The following TRAK1 variants were observed in gnomAD, a reference collection of about 807,000 sequenced individuals.
The protein encoded by TRAK1 is trafficking kinesin-binding protein 1.
A neutral mutation model predicts 92.1 loss-of-function variants in TRAK1; 33 were observed. The observed-to-expected ratio is 0.36, with a 90% CI of 0.27 to 0.48. The LOEUF (loss-of-function observed/expected upper bound fraction) is 0.48. TRAK1 is among the 20% of genes least tolerant of loss of function. The pLI, the probability that TRAK1 is intolerant of heterozygous loss-of-function variation, is 0.99. For synonymous variants in TRAK1, 521 were observed against 517.3 expected, an observed-to-expected ratio of 1.01 and a Z score of -0.10; for missense variants, 1,123 against 1,257.9, an observed-to-expected ratio of 0.89 and a Z score of 1.62.
At chr3:42,102,638 G>A (rs930613161) in intron 1 of TRAK1, among the ~76,000 whole-genome samples, 4 of 152,158 alleles carry the variant, frequency 2.6e-5, no homozygotes, top group African/African-American at 9.7e-5. Context: ...CTGCTGATGG[G>A]GCTGTGTTCC....
At chr3:42,142,433 T>G (rs1007222635) in intron 2 of TRAK1, among the ~76,000 whole-genome samples, 1 of 152,176 alleles carries the variant, frequency 6.6e-6, no homozygotes, top group Non-Finnish European at 1.5e-5. Flanking sequence ...GGCCCCAGTG[T>G]GGGCAGTCAG....
rs538547713 is a variant in TRAK1 at position 42,135,478 on chromosome 3, A to C, written c.286+9864A>C. Among the ~76,000 whole-genome samples, 5 of 152,318 alleles carry C rather than the reference A, an allele frequency of 3.3e-5. No homozygotes were observed. In the South Asian group the frequency reaches 1.0e-3, roughly 32 times the overall value. ...CACAGTGGCTCACACCTGTAATCCC[A>C]ACACTTTGGGTGGCCGAGGTGGGAG... On this transcript the variant is annotated intron_variant, in intron 2 of 15. Transcript: ENST00000327628.
intron 1 of TRAK1, among the ~76,000 whole-genome samples, chr3:42,028,905 C>G (rs947323122): frequency 6.6e-6 from 1 of 152,082 alleles, no homozygotes; most frequent in Non-Finnish European, 1.5e-5. Flanking sequence ...TCTCACATGG[C>G]TATAAATAAA....
chr3:42,148,705 C>A (rs189825505), intron 2 of TRAK1, among the ~76,000 whole-genome samples: 3 of 152,210 alleles, frequency 2.0e-5, no homozygotes, highest in African/African-American at 7.2e-5. Context: ...GGCTGTTTTT[C>A]TAGAAGTTTG....
chr3:42,193,721 T>G, intron 8 of TRAK1, 103 bp from the exon 9 acceptor site: 1 of 1,183,618 alleles, frequency 8.4e-7, no homozygotes, highest in Non-Finnish European at 1.3e-6. Context: ...GAGCATGTCC[T>G]TGTAGAAAGT....
At chr3:42,218,118 C>G in intron 14 of TRAK1, 1 of 985,402 alleles carries the variant, frequency 1.0e-6, no homozygotes, top group Non-Finnish European at 1.2e-6. Context: ...CCTTGTTCCT[C>G]TAGTCACCAT....
chr3:42,023,628 C>T lies in TRAK1; in HGVS notation c.-519+9511C>T, dbSNP rs141382961. On this transcript the variant is annotated intron_variant, in intron 1 of 16. Coordinates refer to the TRAK1 transcript ENST00000487159. Reference sequence around the variant, plus strand: ...GATAGTGGTAGGGTAAGGGAGGGGGCGGAGTGAAGGATAAGGCTGAGGTTT... The same window carrying T: ...GATAGTGGTAGGGTAAGGGAGGGGGTGGAGTGAAGGATAAGGCTGAGGTTT... Among the ~76,000 whole-genome samples the T allele has an allele frequency of 4.4e-3, 648 of 148,868 alleles. 2 individuals carry two copies. The highest frequency in any genetic ancestry group is 0.016 in the African/African-American group (629 of 40,282).
At chr3:42,200,503 TC>T (rs1455500645) in intron 11 of TRAK1, among the ~76,000 whole-genome samples, 1 of 152,224 alleles carries the variant, frequency 6.6e-6, no homozygotes, top group Non-Finnish European at 1.5e-5. Context: ...GAGACAAAAG[TC>T]ATACTTAAGT....
chr3:42,047,504 T>G (rs1702802622), intron 1 of TRAK1, among the ~76,000 whole-genome samples: 1 of 152,038 alleles, frequency 6.6e-6, no homozygotes, highest in Non-Finnish European at 1.5e-5. Flanking sequence ...CATCTGGCCA[T>G]AAAAGCTGAT....
intron 2 of TRAK1, among the ~76,000 whole-genome samples, chr3:42,133,439 C>G (rs764894108): frequency 6.6e-6 from 1 of 152,114 alleles, no homozygotes; most frequent in South Asian, 2.1e-4. Flanking sequence ...AGGCTGGCCT[C>G]GAACTCCTGG....
At chr3:42,181,704 A>G (rs1333070648) in intron 3 of TRAK1, among the ~76,000 whole-genome samples, 1 of 152,216 alleles carries the variant, frequency 6.6e-6, no homozygotes, top group Non-Finnish European at 1.5e-5. Flanking sequence ...AACTAGTTCT[A>G]GTAGAGACAT....
intron 1 of TRAK1, among the ~76,000 whole-genome samples, chr3:42,058,468 G>C (rs944178078): frequency 8.6e-5 from 13 of 151,900 alleles, no homozygotes; most frequent in Admixed American, 7.9e-4. Flanking sequence ...CTCCCCAGTA[G>C]CTGGGATTAC....
chr3:42,112,159 T>G (rs1381692320), intron 1 of TRAK1, among the ~76,000 whole-genome samples: 3 of 113,774 alleles, frequency 2.6e-5, no homozygotes, highest in Non-Finnish European at 3.7e-5. Context: ...TTTTTTTTTT[T>G]GAGACGTAGT....
chr3:42,017,095 A>C (rs767293706), intron 1 of TRAK1, among the ~76,000 whole-genome samples: 36 of 152,150 alleles, frequency 2.4e-4, no homozygotes, highest in African/African-American at 3.1e-4. Flanking sequence ...CCCCGTCTCT[A>C]CTAAAACACA....
chr3:42,078,375 A>T (rs1201525215), intron 1 of TRAK1, among the ~76,000 whole-genome samples: 1 of 152,174 alleles, frequency 6.6e-6, no homozygotes, highest in Non-Finnish European at 1.5e-5. Flanking sequence ...ACCTTAAGAT[A>T]GGGAGATTGT....
At chr3:42,217,806 C>A in intron 14 of TRAK1, 1 of 985,256 alleles carries the variant, frequency 1.0e-6, no homozygotes, top group Non-Finnish European at 1.2e-6. Flanking sequence ...GACCTTATTG[C>A]GGGAAGAGAA....
chr3:42,154,491 A>G (rs1317679885), intron 2 of TRAK1, among the ~76,000 whole-genome samples: 6 of 147,796 alleles, frequency 4.1e-5, no homozygotes, highest in Non-Finnish European at 7.5e-5. Context: ...TTATTTATTT[A>G]TTTAGAGGCA....
chr3:42,196,699 G>A (rs1295228821), intron 10 of TRAK1, among the ~76,000 whole-genome samples: 1 of 89,152 alleles, frequency 1.1e-5, no homozygotes, highest in Non-Finnish European at 2.3e-5. Flanking sequence ...CACCACGCCC[G>A]GCTAATTTTT....
chr3:42,185,416 G>A (rs1288114799), intron 4 of TRAK1, among the ~76,000 whole-genome samples: 1 of 152,212 alleles, frequency 6.6e-6, no homozygotes, highest in East Asian at 1.9e-4. Context: ...TATCAATGGT[G>A]AGAGGAAGGG....
Sources: allele counts gnomAD v4.1 joint callset (sites outside exome capture counted in the v4.1 genomes callset), GRCh38; gene constraint gnomAD v4.1.1; transcripts MANE v1.5; gene names NCBI Gene and HGNC (gene_info 2026-07-23, HGNC 2026-07-21).